The following SLC26A4 variants were observed in gnomAD, a reference collection of about 807,000 sequenced individuals.
SLC26A4 encodes solute carrier family 26 member 4.
A neutral mutation model predicts 90.4 loss-of-function variants in SLC26A4; 93 were observed. The observed-to-expected ratio is 1.03, with a 90% CI of 0.87 to 1.22. The LOEUF is 1.22. Ranked by LOEUF, SLC26A4 falls within the 50% of genes most tolerant of loss-of-function variation. The pLI is 0.00. For synonymous variants in SLC26A4, 393 were observed against 354.6 expected (o/e 1.11, Z -1.22); for missense variants, 1,127 against 946.2 (o/e 1.19, Z -2.51).
At chr7:107,664,173 A>G (rs895441915) in intron 3 of SLC26A4, among the ~76,000 whole-genome samples, 2 of 152,206 alleles carry the variant, frequency 1.3e-5, no homozygotes, top group Non-Finnish European at 1.5e-5. Context: ...TTTTTAAATG[A>G]TGATTGCAGC....
chr7:107,668,176 T>C (rs1034824978), intron 3 of SLC26A4, among the ~76,000 whole-genome samples: 1 of 152,006 alleles, frequency 6.6e-6, no homozygotes, highest in Non-Finnish European at 1.5e-5. Context: ...AAGGTAGATG[T>C]TTGAGGTCAG....
chr7:107,671,827 C>T (rs1236958586), intron 3 of SLC26A4, among the ~76,000 whole-genome samples: 1 of 152,196 alleles, frequency 6.6e-6, no homozygotes, highest in Non-Finnish European at 1.5e-5. Context: ...ACCTATGGAA[C>T]ATCATCGCTT....
intron 3 of SLC26A4, among the ~76,000 whole-genome samples, chr7:107,667,632 G>A (rs1345462724): frequency 6.6e-6 from 1 of 151,936 alleles, no homozygotes; most frequent in African/African-American, 2.4e-5. Context: ...TCTTAATATG[G>A]GAGATACTAG....
At chr7:107,668,203 C>T (rs1232832843) in intron 3 of SLC26A4, among the ~76,000 whole-genome samples, 1 of 151,460 alleles carries the variant, frequency 6.6e-6, no homozygotes, top group Non-Finnish European at 1.5e-5. Flanking sequence ...TGGGGTTTTG[C>T]CAGACAAGAA....
intron 3 of SLC26A4, among the ~76,000 whole-genome samples, chr7:107,671,024 ACTTTT>A (rs1348970311): frequency 6.6e-6 from 1 of 152,070 alleles, no homozygotes; most frequent in Non-Finnish European, 1.5e-5. Flanking sequence ...TTTGGGTCTA[ACTTTT>A]CTTCCCCACC....
rs140553718 is a variant in SLC26A4, at chr7:107,677,099, C to T, written c.765+1990C>T. Among the ~76,000 whole-genome samples, 937 of 152,288 alleles carry T rather than the reference C, an allele frequency of 6.2e-3. 12 individuals carry two copies. The highest frequency in any genetic ancestry group is 0.021 in the African/African-American group (866 of 41,560). The stretch of plus-strand genomic sequence containing the variant: ...GGCTGAGGTGAGAGGATCACCTGAG[C>T]TCAGGAAGTTGAGGCTGCAGTGAGC... On this transcript the variant is annotated intron_variant, in intron 6 of 20. Coordinates refer to ENST00000644269, the MANE Select transcript of SLC26A4 (RefSeq NM_000441.2).
At position 107,717,148 on chromosome 7, in the gene SLC26A4, G is replaced by C. The variant is rs113413945; in HGVS notation, c.*1702G>C. On this transcript the variant is annotated 3_prime_UTR_variant, in exon 21 of 21. Coordinates refer to ENST00000644269, the MANE Select transcript of SLC26A4 (RefSeq NM_000441.2). ...CGAGGCGGGTGGATCACGAGGTCAG[G>C]AGATCGAGACCATCCTGGCTAACAT... 2.0e-5 allele frequency: 3 copies of C among 152,274 alleles called. No individual in the cohort carries two copies. The highest frequency in any genetic ancestry group is 7.2e-5 in the African/African-American group (3 of 41,554). 9.4% of individuals were successfully genotyped at this position (152,274 alleles called of 1,614,324 possible).
At chr7:107,671,890 G>A (rs1790877064) in intron 3 of SLC26A4, among the ~76,000 whole-genome samples, 1 of 152,170 alleles carries the variant, frequency 6.6e-6, no homozygotes, top group Non-Finnish European at 1.5e-5. Flanking sequence ...CTACAGTTGG[G>A]CAAAATAATC....
chr7:107,700,397 C>T (rs1360242829), intron 15 of SLC26A4, among the ~76,000 whole-genome samples: 1 of 152,076 alleles, frequency 6.6e-6, no homozygotes, highest in Non-Finnish European at 1.5e-5. Flanking sequence ...AATAACTATG[C>T]CAGACAAAAA....
intron 6 of SLC26A4, among the ~76,000 whole-genome samples, chr7:107,679,872 A>ATATTATTATATAATATAATCTTATAT (rs199539680): frequency 7.9e-6 from 1 of 126,760 alleles, no homozygotes; most frequent in African/African-American, 3.4e-5. Context: ...ATATAATCTT[A>ATATTATTATATAATATAATCTTATAT]TATTATATAA....
rs1218447786 is a variant in SLC26A4, at chr7:107,683,215, T to G, written c.779T>G (p.Ile260Ser). The change falls in exon 7 of 21, where the codon ATT (isoleucine) becomes AGT (serine). Residue 260 changes from isoleucine (I) to serine (S), a missense_variant. Coordinates refer to ENST00000644269, the MANE Select transcript of SLC26A4 (RefSeq NM_000441.2). The stretch of plus-strand genomic sequence containing the variant: ...TTCTTTTTATAGACGCTGGTTGAGA[T>G]TTTTCAAAATATTGGTGATACCAAT... Reference protein sequence around the residue: ...VLSIIYTLVEIFQNIGDTNLA... With the variant: ...VLSIIYTLVESFQNIGDTNLA... 1.2e-6 allele frequency: 2 copies of G among 1,612,078 alleles called. No homozygotes were observed. Among genetic ancestry groups the G allele is most frequent in the South Asian group, 1.1e-5 (1 of 90,974 alleles).
At chr7:107,702,878 G>A (rs1791936118) in intron 17 of SLC26A4, among the ~76,000 whole-genome samples, 1 of 152,086 alleles carries the variant, frequency 6.6e-6, no homozygotes, top group African/African-American at 2.4e-5. Flanking sequence ...CCAGGTGTAT[G>A]TTAGGACTGG....
chr7:107,691,862 C>A, intron 10 of SLC26A4: 1 of 1,204,634 alleles, frequency 8.3e-7, no homozygotes, highest in South Asian at 1.5e-5. Flanking sequence ...GATCTGTGGT[C>A]AAGGGGAAGA....
chr7:107,695,673 G>A (rs1033922901), intron 12 of SLC26A4, among the ~76,000 whole-genome samples: 1 of 152,074 alleles, frequency 6.6e-6, no homozygotes, highest in East Asian at 1.9e-4. Context: ...GCCGGGTTTG[G>A]TGGTATGTAC....
At chr7:107,686,317 CCCTCCCTTTCCTACCTGCACTCCCTTT>C (rs1354896047) in intron 8 of SLC26A4, among the ~76,000 whole-genome samples, 37 of 79,282 alleles carry the variant, frequency 4.7e-4, no homozygotes, top group African/African-American at 1.4e-3. Flanking sequence ...TCCCTCCCTT[CCCTCCCTTTCCTACCTGCACTCCCTTT>C]CCTCCCCTTC....
At chr7:107,682,552 G>C (rs535065727) in intron 6 of SLC26A4, among the ~76,000 whole-genome samples, 1 of 152,084 alleles carries the variant, frequency 6.6e-6, no homozygotes, top group East Asian at 1.9e-4. Context: ...AAGTATTTTA[G>C]GATTTTTTGT....
intron 19 of SLC26A4, 145 bp from the exon 20 acceptor site, chr7:107,712,394 A>G: frequency 1.6e-6 from 1 of 627,332 alleles, no homozygotes; most frequent in South Asian, 1.9e-5. Context: ...TTTAGTTGGG[A>G]AATATAAAAG....
In SLC26A4 at chr7:107,715,727, G is replaced by A. The variant is rs934801698; in HGVS notation, c.*281G>A. 2.0e-6 allele frequency: 1 copy of A among 504,728 alleles called. No homozygotes were observed. Among genetic ancestry groups the A allele is most frequent in the African/African-American group, 1.9e-5 (1 of 52,202 alleles). 31.3% of individuals were successfully genotyped at this position (504,728 alleles called of 1,614,324 possible). On this transcript the variant is annotated 3_prime_UTR_variant, in exon 21 of 21. Coordinates refer to ENST00000644269, the MANE Select transcript of SLC26A4 (RefSeq NM_000441.2). ...ACAGATTTGCTAATAATGTTCACGT[G>A]GGCCCTGGCATATCTCTGTTCAGTT...
chr7:107,680,647 C>T (rs1230342296), intron 6 of SLC26A4, among the ~76,000 whole-genome samples: 1 of 151,716 alleles, frequency 6.6e-6, no homozygotes, highest in Non-Finnish European at 1.5e-5. Flanking sequence ...TACTCAGATA[C>T]CTTGCATGAT....
Sources: allele counts gnomAD v4.1 joint callset (sites outside exome capture counted in the v4.1 genomes callset), GRCh38; gene constraint gnomAD v4.1.1; transcripts MANE v1.5; gene names NCBI Gene and HGNC (gene_info 2026-07-23, HGNC 2026-07-21).